The following GAS7 variants were observed in gnomAD, a reference collection of about 807,000 sequenced individuals.
GAS7 encodes the protein growth arrest specific 7.
Under a neutral mutation model 71.1 loss-of-function variants are expected in GAS7, and 28 were observed. The observed-to-expected ratio is 0.39, with a 90% CI of 0.29 to 0.54. The LOEUF is 0.54. Ranked by LOEUF, GAS7 falls within the 20% of genes least tolerant of loss-of-function variation. The pLI, the probability that GAS7 is intolerant of heterozygous loss-of-function variation, is 0.62. For missense variants in GAS7, 436 were observed against 627.8 expected, an observed-to-expected ratio of 0.69 and a Z score of 3.27; for synonymous variants, 258 against 245.8, an observed-to-expected ratio of 1.05 and a Z score of -0.46.
At chr17:9,968,989 G>C (rs1471556754) in intron 4 of GAS7, among the ~76,000 whole-genome samples, 1 of 152,130 alleles carries the variant, frequency 6.6e-6, no homozygotes, top group Non-Finnish European at 1.5e-5. Context: ...CTAGTCCTCA[G>C]TTTTTTAGGC....
chr17:9,966,633 C>T (rs780807267), intron 4 of GAS7, among the ~76,000 whole-genome samples: 1 of 152,128 alleles, frequency 6.6e-6, no homozygotes, highest in African/African-American at 2.4e-5. Flanking sequence ...CCTTCTTAAC[C>T]TATTTGTATG....
At chr17:10,165,011 G>A (rs926293239) in intron 1 of GAS7, among the ~76,000 whole-genome samples, 2 of 151,872 alleles carry the variant, frequency 1.3e-5, no homozygotes, top group Middle Eastern at 3.4e-3. Context: ...TTAGCTGGGC[G>A]TGGTGGCGAG....
Position 9,916,692 on chromosome 17 carries a change from A to G in GAS7, c.*536T>C, listed in dbSNP as rs946068322. The G allele has an allele frequency of 2.8e-6, 1 of 357,364 alleles. No homozygotes were observed. The highest frequency in any genetic ancestry group is 5.0e-6 in the Non-Finnish European group (1 of 199,948). 22.1% of individuals were successfully genotyped at this position (357,364 alleles called of 1,614,324 possible). A position where few individuals can be genotyped will look rare whatever the true frequency, so the allele number is the denominator to read the frequency against. ...GTGATGAACAGTGGCTGAGAAAGCC[A>G]GATGTGGACTCCCAGAATGCAATGG... is the stretch of plus-strand genomic sequence containing the variant. On this transcript the variant is annotated 3_prime_UTR_variant, in exon 14 of 14. Coordinates refer to ENST00000432992, the MANE Select transcript of GAS7 (RefSeq NM_201433.2).
At position 10,021,477 on chromosome 17, in the gene GAS7, C is replaced by T. The variant is rs75906440; in HGVS notation, c.184-1580G>A. 4.2e-3 allele frequency among the ~76,000 whole-genome samples: 643 copies of T among 152,332 alleles called. 3 individuals carry two copies. Among genetic ancestry groups the T allele is most frequent in the African/African-American group, 0.015 (612 of 41,580 alleles). On this transcript the variant is annotated intron_variant, in intron 1 of 13. Transcript: ENST00000432992. ...TGAGTAAACACAGCCTCCCTTCTGC[C>T]CTCTGCGTAGCTGCGGTGTAAGTTT...
At chr17:9,960,218 G>A (rs2069426802) in intron 4 of GAS7, among the ~76,000 whole-genome samples, 2 of 150,438 alleles carry the variant, frequency 1.3e-5, no homozygotes, top group Admixed American at 1.3e-4. Flanking sequence ...AAGATGGAGT[G>A]TCATTCTGTC....
Position 9,934,156 on chromosome 17 carries a change from G to A in GAS7, c.885+10C>T. 1.3e-6 allele frequency: 2 copies of A among 1,586,366 alleles called. No homozygotes were observed. Among genetic ancestry groups the A allele is most frequent in the East Asian group, 2.2e-5 (1 of 44,724 alleles). On this transcript the variant is annotated intron_variant, in intron 9 of 13. Coordinates refer to ENST00000432992, the MANE Select transcript of GAS7 (RefSeq NM_201433.2). ...AAGACCAACTGAGGGTGGCTGCAGG[G>A]AGGGGTTACCTTGGCAGAGAACTTG...
At chr17:10,074,102 A>G (rs1406667798) in intron 1 of GAS7, among the ~76,000 whole-genome samples, 2 of 152,150 alleles carry the variant, frequency 1.3e-5, no homozygotes, top group African/African-American at 4.8e-5. Flanking sequence ...AGTGTGATGG[A>G]CGTATGCAAC....
rs544406562 is a variant in GAS7 at position 10,035,515 on chromosome 17, T to C, written c.184-15618A>G. Among the ~76,000 whole-genome samples, 48 of 152,284 alleles carry C rather than the reference T, an allele frequency of 3.2e-4. 1 individual carries two copies. The highest frequency in any genetic ancestry group is 1.2e-3 in the African/African-American group (48 of 41,582). ...ATAACAAGCACCATCTCCCTTCCCCTGGCACTGTGGGAACAGGAAGCCATG... is the reference window on the plus strand; with the variant it reads ...ATAACAAGCACCATCTCCCTTCCCCCGGCACTGTGGGAACAGGAAGCCATG... On this transcript the variant is annotated intron_variant, in intron 1 of 13. Coordinates refer to ENST00000432992, the MANE Select transcript of GAS7 (RefSeq NM_201433.2).
intron 1 of GAS7, among the ~76,000 whole-genome samples, chr17:10,085,887 G>A (rs1208021474): frequency 6.6e-6 from 1 of 151,528 alleles, no homozygotes; most frequent in Non-Finnish European, 1.5e-5. Context: ...GAGCTCCTGA[G>A]TGACAGAGCC....
At chr17:10,066,625 T>C (rs536363928) in intron 1 of GAS7, among the ~76,000 whole-genome samples, 2 of 152,314 alleles carry the variant, frequency 1.3e-5, no homozygotes, top group South Asian at 4.1e-4. Flanking sequence ...TGTGAGCCAC[T>C]GTGCCTGGCC....
chr17:10,173,272 T>TA (rs1452703879), intron 1 of GAS7, among the ~76,000 whole-genome samples: 1 of 152,126 alleles, frequency 6.6e-6, no homozygotes, highest in Admixed American at 6.6e-5. Flanking sequence ...GGTGGCTGTA[T>TA]AACACTGTGA....
chr17:10,158,976 C>T (rs2074227997), intron 1 of GAS7, among the ~76,000 whole-genome samples: 1 of 148,404 alleles, frequency 6.7e-6, no homozygotes, highest in Admixed American at 6.8e-5. Context: ...AGGATCATCA[C>T]CTGAGCCCAG....
chr17:10,030,822 C>T (rs72807398), intron 1 of GAS7, among the ~76,000 whole-genome samples: 17,850 of 152,268 alleles, frequency 0.12, 1,241 homozygotes, highest in East Asian at 0.16. Flanking sequence ...ATCAGCACCT[C>T]GCTGGCTTGA....
intron 1 of GAS7, among the ~76,000 whole-genome samples, chr17:10,023,827 A>T (rs1021996953): frequency 1.3e-5 from 2 of 152,086 alleles, no homozygotes; most frequent in African/African-American, 2.4e-5. Flanking sequence ...TACCACAATT[A>T]AAAAAAAATT....
intron 3 of GAS7, among the ~76,000 whole-genome samples, chr17:9,972,532 C>T (rs2070012037): frequency 6.6e-6 from 1 of 152,138 alleles, no homozygotes; most frequent in African/African-American, 2.4e-5. Context: ...TAAAGAAGAC[C>T]CGAATAATTT....
intron 1 of GAS7, among the ~76,000 whole-genome samples, chr17:10,166,083 G>C (rs2074292176): frequency 6.6e-6 from 1 of 151,700 alleles, no homozygotes; most frequent in South Asian, 2.1e-4. Flanking sequence ...AGGGCAGTGG[G>C]GCAATCCTAG....
In GAS7 at chr17:10,006,316, C is replaced by CTTTTT. The variant is rs1168698479; in HGVS notation, c.304+13456_304+13460dup. Among the ~76,000 whole-genome samples, 173 of 65,610 alleles carry CTTTTT rather than the reference C, an allele frequency of 2.6e-3. 20 individuals carry two copies. Among genetic ancestry groups the CTTTTT allele is most frequent in the East Asian group, 5.0e-3 (9 of 1,814 alleles). The allele number at this position is 65,610 out of a possible 152,430, so 43.0% of individuals were successfully genotyped here. On this transcript the variant is annotated intron_variant, in intron 2 of 13. Coordinates refer to ENST00000432992, the MANE Select transcript of GAS7 (RefSeq NM_201433.2). ...ATGAAAACAGTACAAGCCCCAGATT[C>CTTTTT]TTTTTTTTTTTTTTTTTTTTTTTTT...
chr17:10,134,501 A>C (rs1217724464), intron 1 of GAS7, among the ~76,000 whole-genome samples: 2 of 152,144 alleles, frequency 1.3e-5, no homozygotes, highest in African/African-American at 4.8e-5. Flanking sequence ...TGGAACCTCC[A>C]TCCTGTTTTC....
chr17:10,025,339 A>G (rs895496221), intron 1 of GAS7, among the ~76,000 whole-genome samples: 3 of 151,708 alleles, frequency 2.0e-5, no homozygotes, highest in Non-Finnish European at 4.4e-5. Context: ...AGCTACACCT[A>G]CTCAGCTCCA....
Sources: allele counts gnomAD v4.1 joint callset (sites outside exome capture counted in the v4.1 genomes callset), GRCh38; gene constraint gnomAD v4.1.1; transcripts MANE v1.5; gene names NCBI Gene and HGNC (gene_info 2026-07-23, HGNC 2026-07-21).